Variants in DGKI observed in about 807,000 individuals in gnomAD.
The protein encoded by DGKI is DAG kinase iota.
A neutral mutation model predicts 147.5 loss-of-function variants in DGKI; 55 were observed. The observed-to-expected ratio is 0.37, with a 90% CI of 0.30 to 0.47. The LOEUF (loss-of-function observed/expected upper bound fraction) is 0.47. DGKI is among the 20% of genes least tolerant of loss of function. The pLI is 1.00. For missense variants in DGKI, 1,007 were observed against 1,323.8 expected (o/e 0.76, Z 3.71); for synonymous variants, 469 against 477.1 (o/e 0.98, Z 0.22).
intron 28 of DGKI, among the ~76,000 whole-genome samples, chr7:137,415,216 C>T (rs1812314015): frequency 6.6e-6 from 1 of 152,120 alleles, no homozygotes; most frequent in Non-Finnish European, 1.5e-5. Flanking sequence ...TCCGTATCTG[C>T]AGGTTCCAAA....
At chr7:137,533,476 TTC>T (rs1275049445) in intron 20 of DGKI, among the ~76,000 whole-genome samples, 1 of 152,150 alleles carries the variant, frequency 6.6e-6, no homozygotes, top group African/African-American at 2.4e-5. Flanking sequence ...CTTGTTCCAT[TTC>T]TTTCTCTCCT....
chr7:137,767,688 G>A (rs1220802596), intron 1 of DGKI, among the ~76,000 whole-genome samples: 2 of 152,168 alleles, frequency 1.3e-5, no homozygotes, highest in Non-Finnish European at 2.9e-5. Context: ...GTTAAAAGTA[G>A]ACTCTGGAGC....
intron 25 of DGKI, 145 bp from the exon 26 acceptor site, chr7:137,466,180 C>T (rs1032947343): frequency 6.2e-6 from 6 of 965,988 alleles, no homozygotes; most frequent in East Asian, 2.7e-5. Flanking sequence ...CCCAAAGCTG[C>T]GCTAACGCAG....
intron 6 of DGKI, among the ~76,000 whole-genome samples, chr7:137,630,993 T>G (rs1050735705): frequency 6.6e-6 from 1 of 152,048 alleles, no homozygotes; most frequent in African/African-American, 2.4e-5. Context: ...GGGTTTTTTT[T>G]GAAAAAAAGA....
Position 137,656,432 on chromosome 7 carries a change from T to A in DGKI, c.681+34A>T, listed in dbSNP as rs187357220. ...GCCTCTGAAGACCAAATACTTGCAA[T>A]GTAACAAAACTGCAGCAGGGGGCGC... On this transcript the variant is annotated intron_variant, in intron 4 of 32. Coordinates refer to ENST00000614521, the MANE Select transcript of DGKI (RefSeq NM_001321708.2). The A allele has an allele frequency of 1.7e-3, 2,711 of 1,610,654 alleles. 3 individuals are homozygous for A. Among genetic ancestry groups the A allele is most frequent in the Middle Eastern group, 2.3e-3 (14 of 6,054 alleles).
intron 7 of DGKI, among the ~76,000 whole-genome samples, chr7:137,621,913 A>G (rs1200541824): frequency 6.6e-6 from 1 of 152,246 alleles, no homozygotes; most frequent in African/African-American, 2.4e-5. Context: ...GTCTCACCAG[A>G]TTAGAAGAAC....
At chr7:137,598,894 G>A (rs986187912) in intron 11 of DGKI, among the ~76,000 whole-genome samples, 2 of 152,012 alleles carry the variant, frequency 1.3e-5, no homozygotes, top group Non-Finnish European at 2.9e-5. Flanking sequence ...ATGGGACAGA[G>A]AGAGGAAGAA....
chr7:137,484,760 T>C (rs1334159781), intron 23 of DGKI, among the ~76,000 whole-genome samples: 3 of 152,042 alleles, frequency 2.0e-5, no homozygotes, highest in Non-Finnish European at 4.4e-5. Flanking sequence ...ATATGGGCCA[T>C]AGAGAGATGC....
intron 23 of DGKI, among the ~76,000 whole-genome samples, chr7:137,476,877 C>A (rs1815190079): frequency 6.6e-6 from 1 of 152,158 alleles, no homozygotes. Context: ...ACCTTATGCA[C>A]AGGGTTTTAC....
In DGKI at chr7:137,597,476, A is replaced by G. The variant is rs189699605; in HGVS notation, c.1311+371T>C. Among the ~76,000 whole-genome samples the G allele has an allele frequency of 1.7e-3, 257 of 152,294 alleles. 1 individual carries two copies. The highest frequency in any genetic ancestry group is 5.5e-3 in the African/African-American group (230 of 41,566). ...GTAAAAAAAAAAACATAATAATTCA[A>G]TTGTGTCCACGTATTTCTCCCTACT... is the stretch of plus-strand genomic sequence containing the variant. On this transcript the variant is annotated intron_variant, in intron 12 of 32. Coordinates refer to ENST00000614521, the MANE Select transcript of DGKI (RefSeq NM_001321708.2).
intron 1 of DGKI, among the ~76,000 whole-genome samples, chr7:137,836,823 A>T (rs916256713): frequency 3.9e-4 from 60 of 152,242 alleles, no homozygotes; most frequent in African/African-American, 1.4e-3. Context: ...TTAGACATAA[A>T]AAGAATGTTC....
At chr7:137,686,316 G>A (rs1244193380) in intron 2 of DGKI, among the ~76,000 whole-genome samples, 1 of 152,130 alleles carries the variant, frequency 6.6e-6, no homozygotes, top group African/African-American at 2.4e-5. Flanking sequence ...ACTGGGTAGA[G>A]CCCAGTGTCC....
At position 137,420,791 on chromosome 7, in the gene DGKI, G is replaced by A. The variant is rs546373693; in HGVS notation, c.2762-8584C>T. The stretch of plus-strand genomic sequence containing the variant: ...CCCAGCACTTTGGGAGGCCGAGGCA[G>A]GTGAATCACCTGAGGTCAGGAGTTT... On this transcript the variant is annotated intron_variant, in intron 28 of 32. Coordinates refer to ENST00000614521, the MANE Select transcript of DGKI (RefSeq NM_001321708.2). Among the ~76,000 whole-genome samples the A allele has an allele frequency of 2.1e-4, 32 of 152,284 alleles. No individual in the cohort carries two copies. The South Asian group carries it at 5.0e-3, about 24-fold the overall frequency.
At chr7:137,583,713 T>C (rs1408639669) in intron 14 of DGKI, among the ~76,000 whole-genome samples, 2 of 152,160 alleles carry the variant, frequency 1.3e-5, no homozygotes, top group Non-Finnish European at 2.9e-5. Context: ...GTCTAACTAT[T>C]CCAAGTTTAG....
chr7:137,578,006 T>C (rs548520433), intron 16 of DGKI, among the ~76,000 whole-genome samples: 9 of 152,228 alleles, frequency 5.9e-5, no homozygotes, highest in Non-Finnish European at 1.0e-4. Flanking sequence ...CCTTTTTGAA[T>C]AGCATCTTCT....
At chr7:137,652,165 G>A (rs910547441) in intron 5 of DGKI, among the ~76,000 whole-genome samples, 2 of 152,090 alleles carry the variant, frequency 1.3e-5, no homozygotes, top group Non-Finnish European at 2.9e-5. Context: ...TGTTTATGCT[G>A]ATAGAAATTA....
At chr7:137,811,408 ACAC>A in intron 1 of DGKI, among the ~76,000 whole-genome samples, 1 of 151,068 alleles carries the variant, frequency 6.6e-6, no homozygotes, top group Non-Finnish European at 1.5e-5. Flanking sequence ...ACACACACAC[ACAC>A]ACACACACAC....
intron 21 of DGKI, among the ~76,000 whole-genome samples, chr7:137,492,764 C>T (rs1472091588): frequency 1.3e-5 from 2 of 152,152 alleles, no homozygotes; most frequent in African/African-American, 2.4e-5. Flanking sequence ...AACTGTCAGA[C>T]CTGAACAGAG....
intron 1 of DGKI, among the ~76,000 whole-genome samples, chr7:137,692,625 C>T (rs958541779): frequency 6.6e-6 from 1 of 152,116 alleles, no homozygotes; most frequent in Non-Finnish European, 1.5e-5. Context: ...GAGCCAATTG[C>T]TGAAATAATC....
Sources: gnomAD v4.1 joint callset for allele counts (sites outside exome capture counted in the v4.1 genomes callset) on GRCh38, gnomAD v4.1.1 for gene constraint, MANE v1.5 for transcripts, NCBI Gene and HGNC (gene_info 2026-07-23, HGNC 2026-07-21) for gene names.